Variants in CHEK2 observed in about 807,000 individuals in gnomAD.
The protein encoded by CHEK2 is serine/threonine-protein kinase Chk2.
In CHEK2, 71 loss-of-function variants were observed where a neutral mutation model predicts 69.1. That is an observed-to-expected ratio of 1.03 (90% confidence interval 0.85 to 1.25). CHEK2 has a LOEUF of 1.25. Among genes scored for constraint, CHEK2 ranks in the 50% most tolerant of loss-of-function variants. The pLI is 0.00. For missense variants in CHEK2, 664 were observed against 649.6 expected, an observed-to-expected ratio of 1.02 and a Z score of -0.24; for synonymous variants, 189 against 226.9, an observed-to-expected ratio of 0.83 and a Z score of 1.50.
chr22:28,707,830 C>CTTTTTTTTT (rs11453597), intron 7 of CHEK2, among the ~76,000 whole-genome samples: 14 of 102,464 alleles, frequency 1.4e-4, no homozygotes, highest in Non-Finnish European at 1.5e-4. Context: ...TTGTGTTTAT[C>CTTTTTTTTT]TTTTTTTTTT....
At chr22:28,724,872 T>A in intron 4 of CHEK2, 105 bp downstream of exon 4, 1 of 1,219,246 alleles carries the variant, frequency 8.2e-7, no homozygotes, top group African/African-American at 1.5e-5. Context: ...AGCAACTTAC[T>A]CATCTTTACT....
At chr22:28,740,231 T>C (rs1160210082) in intron 1 of CHEK2, among the ~76,000 whole-genome samples, 3 of 152,172 alleles carry the variant, frequency 2.0e-5, no homozygotes, top group African/African-American at 7.2e-5. Flanking sequence ...CAGATAAGGA[T>C]ATAAATATGT....
At chr22:28,717,229 T>A (rs971176543) in intron 5 of CHEK2, among the ~76,000 whole-genome samples, 2 of 151,688 alleles carry the variant, frequency 1.3e-5, no homozygotes, top group African/African-American at 4.8e-5. Flanking sequence ...ATACAAAAAA[T>A]TAGCTGGGTG....
At chr22:28,733,992 G>A (rs569653694) in intron 2 of CHEK2, among the ~76,000 whole-genome samples, 6 of 151,358 alleles carry the variant, frequency 4.0e-5, no homozygotes, top group East Asian at 1.9e-4. Context: ...CCTATGATCC[G>A]TCCATTCTAG....
Position 28,709,998 on chromosome 22 carries a change from ATACT to A in CHEK2, c.846+4_846+7del, listed in dbSNP as rs764884641. The A allele has an allele frequency of 2.9e-5, 41 of 1,428,834 alleles. No homozygotes were observed. Among genetic ancestry groups the A allele is most frequent in the Admixed American group, 5.0e-5 (3 of 59,448 alleles). 88.5% of individuals were successfully genotyped at this position (1,428,834 alleles called of 1,614,324 possible). On this transcript the variant is annotated splice_donor_5th_base_variant and intron_variant, in intron 7 of 14. Transcript: ENST00000404276. ...AAATCTAAGTATGAGTCATATAATA[ATACT>A]TACATGATTTAGCTTTTTCAAAATT...
At chr22:28,703,426 C>T in intron 8 of CHEK2, 79 bp downstream of exon 8, 1 of 813,520 alleles carries the variant, frequency 1.2e-6, no homozygotes, top group East Asian at 2.7e-5. Flanking sequence ...ATGAGAAAGG[C>T]AAGCCTACAT....
At chr22:28,710,168 A>G (rs2053343072) in intron 6 of CHEK2, 109 bp from the exon 7 acceptor site, 1 of 689,430 alleles carries the variant, frequency 1.5e-6, no homozygotes, top group African/African-American at 1.8e-5. Flanking sequence ...TTCCAAACCC[A>G]GCTCTACTTA....
intron 13 of CHEK2, among the ~76,000 whole-genome samples, chr22:28,690,209 AG>A (rs1175226845): frequency 1.3e-5 from 2 of 152,226 alleles, no homozygotes; most frequent in Non-Finnish European, 2.9e-5. Flanking sequence ...TTACAACACT[AG>A]GTTGGGCATG....
intron 2 of CHEK2, among the ~76,000 whole-genome samples, chr22:28,727,124 C>A (rs2054038324): frequency 6.6e-6 from 1 of 152,174 alleles, no homozygotes; most frequent in South Asian, 2.1e-4. Flanking sequence ...TCACTGCAAC[C>A]TCCACCTCCC....
At chr22:28,736,982 C>T (rs2054429051) in intron 1 of CHEK2, among the ~76,000 whole-genome samples, 1 of 151,948 alleles carries the variant, frequency 6.6e-6, no homozygotes, top group Non-Finnish European at 1.5e-5. Context: ...GATAACAGAA[C>T]CACCAGTAAA....
At chr22:28,725,419 G>A (rs776588353) in intron 2 of CHEK2, 52 bp from the exon 3 acceptor site, 42 of 1,610,198 alleles carry the variant, frequency 2.6e-5, no homozygotes, top group Middle Eastern at 1.7e-4. Flanking sequence ...TGTATCAAAC[G>A]TTTAAAAATT....
rs1601824270 is a variant in CHEK2, at chr22:28,725,119, CA to C, written c.449del (p.Val150GlyfsTer11). 4 of 1,614,076 alleles carry C rather than the reference CA, an allele frequency of 2.5e-6. No individual in the cohort carries two copies. Among genetic ancestry groups the C allele is most frequent in the Non-Finnish European group, 3.4e-6 (4 of 1,179,984 alleles). ...SKKHFRIFRE[V>X]GPKNSYIAYI... ...ATGCAATGTAAGAGTTTTTAGGACC[CA>C]CTTCCTAAAATAGAGAACATTTTGT... is the stretch of plus-strand genomic sequence containing the variant. On this transcript the variant is annotated frameshift_variant, in exon 4 of 15. Transcript: ENST00000404276. LOFTEE classifies it high-confidence loss of function.
rs876660482 is a variant in CHEK2, at chr22:28,725,245, T to C, written c.442A>G (p.Arg148Gly). Residue 148 changes from arginine to glycine, a missense_variant and splice_region_variant, in exon 3 of 15, where the codon AGG becomes GGG. Transcript: ENST00000404276. ...TYSKKHFRIF[R>G]EVGPKNSYIA... ...ATACATGGGTATTCATTACCTACCC[T>C]GAAAATCCGAAAGTGTTTCTTGCTG... 3 of 1,614,138 alleles carry C rather than the reference T, an allele frequency of 1.9e-6. No homozygotes were observed. Among genetic ancestry groups the C allele is most frequent in the Non-Finnish European group, 2.5e-6 (3 of 1,180,020 alleles).
rs2052400445 is a variant in CHEK2 at position 28,692,431 on chromosome 22, T to C, written c.1461+1601A>G. On this transcript the variant is annotated intron_variant, in intron 13 of 14. Coordinates refer to ENST00000404276, the MANE Select transcript of CHEK2 (RefSeq NM_007194.4). ...TCTGACAGATTTCTTCTGGGGAGACTGTAGTTTCCAGGGCAACATCCAAAC... is the reference window on the plus strand; with the variant it reads ...TCTGACAGATTTCTTCTGGGGAGACCGTAGTTTCCAGGGCAACATCCAAAC... Among the ~76,000 whole-genome samples the C allele has an allele frequency of 2.6e-5, 4 of 152,206 alleles. No homozygotes were observed. The South Asian group carries it at 8.3e-4, about 32-fold the overall frequency.
chr22:28,693,448 T>C (rs1569109093), intron 13 of CHEK2, among the ~76,000 whole-genome samples: 2 of 152,102 alleles, frequency 1.3e-5, no homozygotes, highest in African/African-American at 2.4e-5. Context: ...GAGGCTGTCC[T>C]CCTCCCCCTC....
chr22:28,708,375 G>A (rs796509301), intron 7 of CHEK2, among the ~76,000 whole-genome samples: 1 of 150,728 alleles, frequency 6.6e-6, no homozygotes, highest in East Asian at 2.0e-4. Context: ...GTGTGTGTGT[G>A]TGTGTGTGTG....
chr22:28,697,745 CTTTA>C (rs1455379471), intron 9 of CHEK2, among the ~76,000 whole-genome samples: 1 of 151,812 alleles, frequency 6.6e-6, no homozygotes, highest in African/African-American at 2.4e-5. Context: ...CAGCTAACTT[CTTTA>C]TTTTTTTGTA....
At chr22:28,691,675 AACAGAAGAAGAC>A (rs2052369257) in intron 13 of CHEK2, among the ~76,000 whole-genome samples, 1 of 152,254 alleles carries the variant, frequency 6.6e-6, no homozygotes. Flanking sequence ...CAGTTTAGGC[AACAGAAGAAGAC>A]CTTGTCTCCA....
intron 12 of CHEK2, 132 bp downstream of exon 12, chr22:28,694,995 G>T (rs2052504747): frequency 1.5e-6 from 1 of 675,406 alleles, no homozygotes; most frequent in African/African-American, 1.8e-5. Context: ...CTCTCAAATG[G>T]TGTGAAACTA....
Sources: allele counts gnomAD v4.1 joint callset (sites outside exome capture counted in the v4.1 genomes callset), GRCh38; gene constraint gnomAD v4.1.1; transcripts MANE v1.5; gene names NCBI Gene and HGNC (gene_info 2026-07-23, HGNC 2026-07-21).